Variants in SHISA9 observed in about 807,000 individuals in gnomAD.
SHISA9 encodes the protein protein shisa-9.
A neutral mutation model predicts 38.0 loss-of-function variants in SHISA9; 13 were observed. The observed-to-expected ratio is 0.34, with a 90% CI of 0.22 to 0.54. The LOEUF is 0.54. SHISA9 is among the 20% of genes least tolerant of loss of function. SHISA9 has a pLI of 0.91. For synonymous variants in SHISA9, 275 were observed against 242.0 expected, an observed-to-expected ratio of 1.14 and a Z score of -1.27; for missense variants, 538 against 575.8, an observed-to-expected ratio of 0.93 and a Z score of 0.67.
the SHISA9 span, among the ~76,000 whole-genome samples, chr16:13,453,561 T>G: frequency 6.6e-6 from 1 of 152,218 alleles, no homozygotes; most frequent in South Asian, 2.1e-4. Flanking sequence ...CAAAGCCAAA[T>G]TGCCCCAGAC....
chr16:13,299,573 G>A, the SHISA9 span, among the ~76,000 whole-genome samples: 1 of 152,086 alleles, frequency 6.6e-6, no homozygotes, highest in Non-Finnish European at 1.5e-5. Context: ...AATTAGCCGG[G>A]TGTGGTAGTA....
the SHISA9 span, among the ~76,000 whole-genome samples, chr16:13,514,939 C>T: frequency 5.9e-5 from 9 of 152,032 alleles, no homozygotes; most frequent in Non-Finnish European, 1.2e-4. Context: ...ACGACAAAGA[C>T]AATTTTTAAA....
chr16:12,902,957 A>C, intron 1 of SHISA9: 4 of 288,786 alleles, frequency 1.4e-5, no homozygotes, highest in East Asian at 7.5e-5. Flanking sequence ...TGGCCCCGAA[A>C]TCTTCGGGTT....
At chr16:13,497,810 G>C in the SHISA9 span, among the ~76,000 whole-genome samples, 1 of 151,970 alleles carries the variant, frequency 6.6e-6, no homozygotes, top group African/African-American at 2.4e-5. Flanking sequence ...AGATGCACCA[G>C]TTACCAGTGA....
At chr16:13,162,990 A>G (rs2050608595) in intron 2 of SHISA9, among the ~76,000 whole-genome samples, 1 of 152,176 alleles carries the variant, frequency 6.6e-6, no homozygotes, top group South Asian at 2.1e-4. Context: ...AAGAGAGAAA[A>G]AAATAATGAA....
the SHISA9 span, among the ~76,000 whole-genome samples, chr16:13,329,716 G>T: frequency 6.6e-6 from 1 of 152,160 alleles, no homozygotes; most frequent in African/African-American, 2.4e-5. Flanking sequence ...CAGCAGAAAG[G>T]TAGAGCCATG....
At chr16:13,376,607 T>C in the SHISA9 span, among the ~76,000 whole-genome samples, 2 of 152,206 alleles carry the variant, frequency 1.3e-5, no homozygotes, top group African/African-American at 4.8e-5. Flanking sequence ...ATTTTTTTTA[T>C]TTTAGATTGG....
intron 4 of SHISA9, among the ~76,000 whole-genome samples, chr16:13,232,741 T>C (rs1175161550): frequency 6.6e-6 from 1 of 152,218 alleles, no homozygotes; most frequent in African/African-American, 2.4e-5. Flanking sequence ...AAACATTTCC[T>C]GGTTGACAAT....
intron 2 of SHISA9, among the ~76,000 whole-genome samples, chr16:13,057,397 T>C (rs2073323432): frequency 6.6e-6 from 1 of 152,078 alleles, no homozygotes; most frequent in Non-Finnish European, 1.5e-5. Context: ...CCTGGGGGGT[T>C]TATTTATTTA....
chr16:13,538,225 C>T, the SHISA9 span, among the ~76,000 whole-genome samples: 1 of 152,132 alleles, frequency 6.6e-6, no homozygotes, highest in Non-Finnish European at 1.5e-5. Flanking sequence ...GATCCCATGG[C>T]CTCAAAGCAA....
chr16:13,262,817 T>G, the SHISA9 span, among the ~76,000 whole-genome samples: 3 of 152,276 alleles, frequency 2.0e-5, no homozygotes, highest in East Asian at 3.9e-4. Flanking sequence ...GTGAGCTACA[T>G]TCACTGTGCT....
the SHISA9 span, among the ~76,000 whole-genome samples, chr16:13,401,351 G>T: frequency 1.3e-5 from 2 of 152,158 alleles, no homozygotes; most frequent in Non-Finnish European, 2.9e-5. Context: ...CTGCCAGTCT[G>T]ACTCCAGAGC....
intron 2 of SHISA9, among the ~76,000 whole-genome samples, chr16:12,925,749 G>A (rs1467752645): frequency 6.6e-6 from 1 of 152,140 alleles, no homozygotes; most frequent in Non-Finnish European, 1.5e-5. Context: ...TTTTCATAGA[G>A]CATTTCTATT....
rs2051408046 is a variant in SHISA9 at position 13,238,648 on chromosome 16, G to C, written c.*3239G>C. ...TCATTAAGATGTAGCCACAATGATGGCCCAAGAAGGACACGTACTTTCCAA... is the reference window on the plus strand; with the variant it reads ...TCATTAAGATGTAGCCACAATGATGCCCCAAGAAGGACACGTACTTTCCAA... On this transcript the variant is annotated 3_prime_UTR_variant, in exon 5 of 5. Transcript: ENST00000558583. 1 of 152,076 alleles carries C rather than the reference G, an allele frequency of 6.6e-6. No individual in the cohort carries two copies. Among genetic ancestry groups the C allele is most frequent in the Non-Finnish European group, 1.5e-5 (1 of 68,010 alleles). The allele number at this position is 152,076 out of a possible 1,614,324, so 9.4% of individuals were successfully genotyped here.
At chr16:13,530,156 C>T in the SHISA9 span, among the ~76,000 whole-genome samples, 1 of 152,096 alleles carries the variant, frequency 6.6e-6, no homozygotes, top group African/African-American at 2.4e-5. Flanking sequence ...AAAAAATTAG[C>T]CAGGCCTGGT....
At chr16:13,408,061 T>C in the SHISA9 span, among the ~76,000 whole-genome samples, 3 of 151,990 alleles carry the variant, frequency 2.0e-5, no homozygotes, top group Admixed American at 6.6e-5. Context: ...GTCTCTTTAC[T>C]CTGTTGATAA....
At chr16:13,541,897 C>T in the SHISA9 span, among the ~76,000 whole-genome samples, 2 of 152,180 alleles carry the variant, frequency 1.3e-5, no homozygotes, top group African/African-American at 2.4e-5. Context: ...TATACTGGGT[C>T]GAATGCTGCC....
At chr16:13,561,594 G>A in the SHISA9 span, among the ~76,000 whole-genome samples, 2 of 152,164 alleles carry the variant, frequency 1.3e-5, no homozygotes, top group Non-Finnish European at 2.9e-5. Context: ...TCAGGACTCT[G>A]CTCAGATCCA....
At chr16:13,244,486 A>G (rs570791474), downstream of SHISA9, among the ~76,000 whole-genome samples, 51 of 152,292 alleles carry the variant, frequency 3.3e-4, no homozygotes, top group African/African-American at 1.1e-3. Flanking sequence ...CTTCCTTGTG[A>G]TTTTTTAAAT....
Sources: gnomAD v4.1 joint callset for allele counts (sites outside exome capture counted in the v4.1 genomes callset) on GRCh38, gnomAD v4.1.1 for gene constraint, MANE v1.5 for transcripts, NCBI Gene and HGNC (gene_info 2026-07-23, HGNC 2026-07-21) for gene names.